PDXDC1: variants seen among roughly 807,000 people sequenced by gnomAD.
PDXDC1 encodes pyridoxal-dependent decarboxylase domain-containing protein 1.
PDXDC1 carries 42 observed loss-of-function variants against 100.1 expected under a neutral mutation model. The ratio of observed to expected loss-of-function variants is 0.42; its 90% CI spans 0.33 to 0.54. PDXDC1 has a LOEUF of 0.54. Among genes scored for constraint, PDXDC1 ranks in the 20% least tolerant of loss-of-function variants. The pLI is 0.10. For missense variants in PDXDC1, 636 were observed against 979.2 expected (o/e 0.65, Z 4.68); for synonymous variants, 260 against 371.7 (o/e 0.70, Z 3.46).
intron 16 of PDXDC1, among the ~76,000 whole-genome samples, chr16:15,093,212 C>A (rs981373156): frequency 6.6e-6 from 1 of 152,162 alleles, no homozygotes; most frequent in Non-Finnish European, 1.5e-5. Flanking sequence ...GCACGTTGGC[C>A]AGGCTGGTCT....
At position 15,062,748 on chromosome 16, in the gene PDXDC1, C is replaced by G. The variant is rs1391682466; in HGVS notation, c.1399+32692C>G. Among the ~76,000 whole-genome samples the G allele has an allele frequency of 3.3e-5, 5 of 152,336 alleles. No individual in the cohort carries two copies. In the East Asian group the frequency reaches 7.7e-4, roughly 23 times the overall value. On this transcript the variant is annotated intron_variant, in intron 16 of 16. Transcript: ENST00000535621. ...TAATTAACCTTCGCTTCTCACATGT[C>G]AGTATGTGAAGTGTCTGGTTTAAGC...
chr16:15,014,775 T>C (rs1346368208), intron 8 of PDXDC1, among the ~76,000 whole-genome samples: 1 of 152,294 alleles, frequency 6.6e-6, no homozygotes, highest in African/African-American at 2.4e-5. Context: ...CTCAACGTTT[T>C]AACTAAGCTC....
intron 16 of PDXDC1, chr16:15,130,201 C>G: frequency 6.5e-7 from 1 of 1,549,706 alleles, no homozygotes; most frequent in Admixed American, 2.0e-5. Flanking sequence ...GGGTCACTCA[C>G]AGGAAACACA....
At chr16:15,137,656 C>A in intron 16 of PDXDC1, 4 of 1,294,126 alleles carry the variant, frequency 3.1e-6, no homozygotes, top group Non-Finnish European at 3.2e-6. Flanking sequence ...CCGGAGCCCC[C>A]CCCCAGAGAG....
chr16:15,010,035 G>A (rs1372650201), intron 8 of PDXDC1, among the ~76,000 whole-genome samples: 15 of 152,266 alleles, frequency 9.9e-5, no homozygotes, highest in Admixed American at 7.2e-4. Flanking sequence ...TCTTTTCCCT[G>A]TTCTAAACTG....
At chr16:15,057,427 A>G (rs894133528) in intron 16 of PDXDC1, among the ~76,000 whole-genome samples, 1 of 152,236 alleles carries the variant, frequency 6.6e-6, no homozygotes, top group Non-Finnish European at 1.5e-5. Flanking sequence ...TAACAGATAC[A>G]GTAACTTGCT....
intron 16 of PDXDC1, chr16:15,044,624 G>A: frequency 6.8e-6 from 4 of 586,090 alleles, no homozygotes; most frequent in South Asian, 6.4e-5. Flanking sequence ...ATGACTGAGG[G>A]GATCCGTATC....
Position 15,079,273 on chromosome 16 carries a change from CCTTT to C in PDXDC1, c.1399+49219_1399+49222del, listed in dbSNP as rs2045598636. On this transcript the variant is annotated intron_variant, in intron 16 of 16. Transcript: ENST00000535621. ...ACAATGTCACTAGAATCTACTACTT[CCTTT>C]CATTCCCACTGCACCTTAGTGCGGG... is the stretch of plus-strand genomic sequence containing the variant. 2.0e-5 allele frequency among the ~76,000 whole-genome samples: 3 copies of C among 152,208 alleles called. No homozygotes were observed. In the South Asian group the frequency reaches 6.2e-4, roughly 31 times the overall value.
intron 16 of PDXDC1, chr16:15,055,879 C>A: frequency 8.2e-7 from 1 of 1,218,060 alleles, no homozygotes; most frequent in Non-Finnish European, 1.0e-6. Context: ...CCCCGCGCCG[C>A]GCCCCACTCA....
At chr16:15,141,919 C>G (rs995608558), downstream of PDXDC1, among the ~76,000 whole-genome samples, 1 of 152,160 alleles carries the variant, frequency 6.6e-6, no homozygotes, top group Non-Finnish European at 1.5e-5. Flanking sequence ...GCGGCTGCGG[C>G]GGCAGCAGAA....
At chr16:14,999,560 T>A (rs1004970955) in intron 3 of PDXDC1, among the ~76,000 whole-genome samples, 3 of 152,220 alleles carry the variant, frequency 2.0e-5, no homozygotes, top group Non-Finnish European at 4.4e-5. Flanking sequence ...AAAAGTGATA[T>A]ACAAATTCAT....
intron 16 of PDXDC1, among the ~76,000 whole-genome samples, chr16:15,095,617 C>T (rs1275801539): frequency 6.6e-6 from 1 of 152,038 alleles, no homozygotes; most frequent in Non-Finnish European, 1.5e-5. Context: ...TTTGGGAGGC[C>T]GAGGCAAGTG....
chr16:15,032,597 T>G (rs1033803869), intron 17 of PDXDC1: 4 of 308,024 alleles, frequency 1.3e-5, no homozygotes, highest in Non-Finnish European at 2.3e-5. Context: ...GAGGTTGCAG[T>G]GAGCCAAGAT....
intron 3 of PDXDC1, among the ~76,000 whole-genome samples, chr16:15,001,349 C>T (rs1193100818): frequency 1.2e-4 from 18 of 152,378 alleles, no homozygotes; most frequent in Non-Finnish European, 2.1e-4. Flanking sequence ...ATTAGCCGAG[C>T]GTGGTGGCGC....
At chr16:15,035,365 G>C in intron 21 of PDXDC1, 84 bp from the exon 22 acceptor site, 1 of 656,442 alleles carries the variant, frequency 1.5e-6, no homozygotes, top group Non-Finnish European at 2.5e-6. Context: ...AGGTTATTGG[G>C]GAGCAAGGCT....
At chr16:15,151,424 CAAAAAAAAAAAAAAAAA>C in the PDXDC1 span, among the ~76,000 whole-genome samples, 4 of 14,434 alleles carry the variant, frequency 2.8e-4, no homozygotes, top group East Asian at 2.6e-3. Context: ...GACTCCGTCT[CAAAAAAAAAAAAAAAAA>C]AAAAAAAAAA....
chr16:15,096,537 C>T (rs984228758), intron 16 of PDXDC1, among the ~76,000 whole-genome samples: 1 of 152,208 alleles, frequency 6.6e-6, no homozygotes, highest in African/African-American at 2.4e-5. Context: ...ATCTGTGTCT[C>T]AAGGACAGAG....
chr16:15,089,025 G>A (rs559291755), intron 16 of PDXDC1, among the ~76,000 whole-genome samples: 10 of 152,304 alleles, frequency 6.6e-5, no homozygotes, highest in Admixed American at 4.6e-4. Flanking sequence ...AGTCTAGGCC[G>A]GGTGGAGTGG....
chr16:15,050,233 A>G (rs1360257843), intron 16 of PDXDC1, among the ~76,000 whole-genome samples: 1 of 152,260 alleles, frequency 6.6e-6, no homozygotes, highest in Non-Finnish European at 1.5e-5. Flanking sequence ...CTTTTTCAAA[A>G]TATTAAATTG....
Sources: gnomAD v4.1 joint callset for allele counts (sites outside exome capture counted in the v4.1 genomes callset) on GRCh38, gnomAD v4.1.1 for gene constraint, MANE v1.5 for transcripts, NCBI Gene and HGNC (gene_info 2026-07-23, HGNC 2026-07-21) for gene names.